The following BBS9 variants were observed in gnomAD, a reference collection of about 807,000 sequenced individuals.
BBS9 encodes protein PTHB1.
BBS9 carries 89 observed loss-of-function variants against 117.7 expected under a neutral mutation model. The observed-to-expected ratio is 0.76, with a 90% CI of 0.64 to 0.90. The LOEUF is 0.90. Ranked by LOEUF, BBS9 falls within the 40% of genes least tolerant of loss-of-function variation. The pLI is 0.00. For synonymous variants in BBS9, 379 were observed against 370.9 expected (o/e 1.02, Z -0.25); for missense variants, 982 against 1,042.2 (o/e 0.94, Z 0.80).
intron 21 of BBS9, among the ~76,000 whole-genome samples, chr7:33,554,103 A>G (rs1854902499): frequency 6.6e-6 from 1 of 152,126 alleles, no homozygotes; most frequent in South Asian, 2.1e-4. Flanking sequence ...GGCACATTCA[A>G]AAGACACATG....
At chr7:33,410,079 C>T (rs1475880364) in intron 19 of BBS9, among the ~76,000 whole-genome samples, 1 of 152,136 alleles carries the variant, frequency 6.6e-6, no homozygotes. Context: ...CATCTTTTCT[C>T]CTGGTGAGCC....
intron 7 of BBS9, among the ~76,000 whole-genome samples, chr7:33,267,929 T>C (rs994916139): frequency 6.6e-6 from 1 of 152,188 alleles, no homozygotes; most frequent in Non-Finnish European, 1.5e-5. Context: ...TTTATGTATA[T>C]ACTGTTCTTG....
intron 19 of BBS9, among the ~76,000 whole-genome samples, chr7:33,469,145 G>C (rs1840623170): frequency 6.9e-6 from 1 of 144,526 alleles, no homozygotes; most frequent in Admixed American, 7.7e-5. Context: ...TCAGTATATT[G>C]GTCGAATCTG....
At chr7:33,263,631 C>A (rs1014094647) in intron 6 of BBS9, among the ~76,000 whole-genome samples, 6 of 152,090 alleles carry the variant, frequency 3.9e-5, no homozygotes, top group Admixed American at 3.9e-4. Flanking sequence ...TCACTACCTA[C>A]CAGCTACAAA....
chr7:33,532,833 C>G (rs1009339135), intron 20 of BBS9, among the ~76,000 whole-genome samples: 2 of 152,106 alleles, frequency 1.3e-5, no homozygotes, highest in African/African-American at 4.8e-5. Context: ...GCTCTTACTT[C>G]TAATATAAGG....
chr7:33,226,339 A>C (rs1791268927), intron 5 of BBS9, among the ~76,000 whole-genome samples: 1 of 152,150 alleles, frequency 6.6e-6, no homozygotes, highest in Non-Finnish European at 1.5e-5. Context: ...ACACAGGTCT[A>C]CTTTTGTTAC....
chr7:33,346,111 G>A (rs1241946314), intron 12 of BBS9: 3 of 304,360 alleles, frequency 9.9e-6, no homozygotes, highest in Non-Finnish European at 2.0e-5. Flanking sequence ...ACAGGCAAGG[G>A]GTGCAGAAAA....
chr7:33,553,120 A>T (rs990896774), intron 21 of BBS9, among the ~76,000 whole-genome samples: 1 of 152,158 alleles, frequency 6.6e-6, no homozygotes, highest in African/African-American at 2.4e-5. Flanking sequence ...ACTTATAGCC[A>T]TTCTCAGATC....
intron 1 of BBS9, among the ~76,000 whole-genome samples, chr7:33,139,745 A>G: frequency 6.6e-6 from 1 of 151,824 alleles, no homozygotes; most frequent in East Asian, 2.0e-4. Flanking sequence ...TTACTTTCTT[A>G]TTTTCTCTCC....
intron 17 of BBS9, among the ~76,000 whole-genome samples, chr7:33,379,673 T>C (rs552614698): frequency 2.4e-4 from 36 of 152,362 alleles, no homozygotes; most frequent in African/African-American, 8.2e-4. Flanking sequence ...AGCTGGGTGC[T>C]GTGTAGGTCC....
At chr7:33,393,108 A>G (rs1035132939) in intron 19 of BBS9, among the ~76,000 whole-genome samples, 2 of 152,086 alleles carry the variant, frequency 1.3e-5, no homozygotes, top group African/African-American at 4.8e-5. Flanking sequence ...TGAGGCTGCA[A>G]TGAGCCATGA....
chr7:33,362,357 G>A (rs1403219363), intron 16 of BBS9, among the ~76,000 whole-genome samples: 1 of 151,956 alleles, frequency 6.6e-6, no homozygotes, highest in African/African-American at 2.4e-5. Context: ...AGGTTGCAAA[G>A]TTTCTCTCTC....
intron 19 of BBS9, among the ~76,000 whole-genome samples, chr7:33,494,336 T>C (rs189384631): frequency 6.6e-6 from 1 of 152,310 alleles, no homozygotes; most frequent in East Asian, 1.9e-4. Context: ...GAAACCCTGC[T>C]CTAGAGTGCA....
intron 10 of BBS9, among the ~76,000 whole-genome samples, chr7:33,337,722 G>A (rs758202478): frequency 6.6e-6 from 1 of 151,940 alleles, no homozygotes; most frequent in Admixed American, 6.6e-5. Flanking sequence ...GTGTCATATC[G>A]CAGTATATAA....
intron 5 of BBS9, 147 bp from the exon 6 acceptor site, chr7:33,257,089 A>G (rs773429307): frequency 5.1e-5 from 25 of 494,522 alleles, no homozygotes; most frequent in Non-Finnish European, 7.8e-5. Context: ...ATTTTTCACT[A>G]TTAGTAATTT....
chr7:33,407,106 C>T (rs922652805), intron 19 of BBS9, among the ~76,000 whole-genome samples: 57 of 152,280 alleles, frequency 3.7e-4, no homozygotes, highest in Admixed American at 7.9e-4. Context: ...CACATAGTCC[C>T]ATATTTCTTG....
intron 1 of BBS9, among the ~76,000 whole-genome samples, chr7:33,143,661 G>T (rs1347991236): frequency 2.0e-5 from 3 of 151,892 alleles, no homozygotes; most frequent in African/African-American, 7.3e-5. Flanking sequence ...CGCCTCCTGG[G>T]TTCAAGCAGT....
At position 33,151,850 on chromosome 7, in the gene BBS9, C is replaced by CTTTT. The variant is rs11346140; in HGVS notation, c.113-831_113-828dup. On this transcript the variant is annotated intron_variant, in intron 2 of 22. Transcript: ENST00000242067. The stretch of plus-strand genomic sequence containing the variant: ...ACAGGCATGAGCCACTGCACCCAGC[C>CTTTT]TTTTTTTTTTTTTTTTTTTTTTTCA... Among the ~76,000 whole-genome samples, 16 of 82,336 alleles carry CTTTT rather than the reference C, an allele frequency of 1.9e-4. 1 individual carries two copies. Among genetic ancestry groups the CTTTT allele is most frequent in the East Asian group, 3.5e-4 (1 of 2,832 alleles). The allele number at this position is 82,336 out of a possible 152,430, so 54.0% of individuals were successfully genotyped here.
chr7:33,503,183 C>G (rs1845679740), intron 19 of BBS9, among the ~76,000 whole-genome samples: 1 of 152,044 alleles, frequency 6.6e-6, no homozygotes, highest in South Asian at 2.1e-4. Flanking sequence ...AACGCAAGCT[C>G]AAAAATAAAA....
Sources: gnomAD v4.1 joint callset for allele counts (sites outside exome capture counted in the v4.1 genomes callset) on GRCh38, gnomAD v4.1.1 for gene constraint, MANE v1.5 for transcripts, NCBI Gene and HGNC (gene_info 2026-07-23, HGNC 2026-07-21) for gene names.